FLNB: variants seen among roughly 807,000 people sequenced by gnomAD.
FLNB encodes the protein filamin-B.
A neutral mutation model predicts 250.6 loss-of-function variants in FLNB; 111 were observed. The ratio of observed to expected loss-of-function variants is 0.44; its 90% CI spans 0.38 to 0.52. The LOEUF (loss-of-function observed/expected upper bound fraction) is 0.52. Among genes scored for constraint, FLNB ranks in the 20% least tolerant of loss-of-function variants. FLNB has a pLI of 0.00. For synonymous variants in FLNB, 1,302 were observed against 1,372.1 expected (o/e 0.95, Z 1.13); for missense variants, 2,869 against 3,447.8 (o/e 0.83, Z 4.20).
At chr3:58,116,196 G>A (rs1026101550) in intron 18 of FLNB, among the ~76,000 whole-genome samples, 3 of 152,152 alleles carry the variant, frequency 2.0e-5, no homozygotes, top group Admixed American at 2.0e-4. Flanking sequence ...GCTCAAGACT[G>A]GGCTAAGGAA....
intron 36 of FLNB, 86 bp from the exon 37 acceptor site, chr3:58,149,764 A>C: frequency 6.5e-7 from 1 of 1,540,080 alleles, no homozygotes; most frequent in Non-Finnish European, 9.0e-7. Flanking sequence ...ATTGAGGCGT[A>C]AGGGTCGGAT....
intron 1 of FLNB, among the ~76,000 whole-genome samples, chr3:58,059,734 C>T (rs1396126092): frequency 6.6e-6 from 1 of 152,178 alleles, no homozygotes; most frequent in African/African-American, 2.4e-5. Context: ...CTGCCACGAC[C>T]GTTTATCACG....
intron 1 of FLNB, among the ~76,000 whole-genome samples, chr3:58,037,111 C>G (rs969905143): frequency 8.9e-5 from 12 of 134,108 alleles, no homozygotes; most frequent in Non-Finnish European, 1.4e-4. Flanking sequence ...ATCACCCTGG[C>G]TGGAGTGCAG....
chr3:58,052,633 G>A (rs1301283575), intron 1 of FLNB, among the ~76,000 whole-genome samples: 3 of 152,216 alleles, frequency 2.0e-5, no homozygotes, highest in Admixed American at 6.5e-5. Flanking sequence ...TGACATCGGT[G>A]TGGATGGCAG....
intron 1 of FLNB, among the ~76,000 whole-genome samples, chr3:58,017,864 G>A (rs922050174): frequency 2.6e-5 from 4 of 152,094 alleles, no homozygotes; most frequent in African/African-American, 9.7e-5. Context: ...TTTTCACTTA[G>A]GCAAGACTGC....
In FLNB at chr3:58,150,193, C is replaced by T. The variant is rs532229449; in HGVS notation, c.6333C>T (p.Val2111=). 17 of 1,614,060 alleles carry T rather than the reference C, an allele frequency of 1.1e-5. 1 individual carries two copies. Among genetic ancestry groups the T allele is most frequent in the East Asian group, 2.2e-5 (1 of 44,896 alleles). ...RTSRAPSVAT[V]GSICDLNLKI... is the part of the protein sequence containing the mutation. ...GTCGGGCCCCGTCCGTGGCCACTGT[C>T]GGGAGCATTTGTGACCTGAACCTGA... The change falls in exon 38 of 46, where the codon GTC becomes GTT. Residue 2111 remains valine (V), a synonymous_variant. Coordinates refer to ENST00000295956, the MANE Select transcript of FLNB (RefSeq NM_001457.4).
intron 36 of FLNB, 89 bp from the exon 37 acceptor site, chr3:58,149,758 AGGC>A: frequency 6.7e-7 from 1 of 1,491,754 alleles, no homozygotes; most frequent in Non-Finnish European, 9.3e-7. Context: ...AAATAGATTG[AGGC>A]GTAAGGGTCG....
intron 23 of FLNB, 42 bp downstream of exon 23, chr3:58,125,785 G>C: frequency 6.3e-7 from 1 of 1,593,780 alleles, no homozygotes; most frequent in Non-Finnish European, 8.6e-7. Context: ...TCTCACTTTT[G>C]TGGCTAGATT....
Position 58,146,721 on chromosome 3 carries a change from C to G in FLNB, c.5555-99C>G, listed in dbSNP as rs1296535531. Reference sequence around the variant, plus strand: ...ACGTGGAGTGCGTCAATCCATTGTCCCCAGCATCAGGGCTGCCCTGGATGA... The same window carrying G: ...ACGTGGAGTGCGTCAATCCATTGTCGCCAGCATCAGGGCTGCCCTGGATGA... On this transcript the variant is annotated intron_variant, in intron 33 of 45. Transcript: ENST00000295956. 1.6e-5 allele frequency: 21 copies of G among 1,275,108 alleles called. No homozygotes were observed. In the Admixed American group the frequency reaches 3.8e-4, roughly 23 times the overall value. The allele number at this position is 1,275,108 out of a possible 1,614,324, so 79.0% of individuals were successfully genotyped here. A position where few individuals can be genotyped will look rare whatever the true frequency, so the allele number is the denominator to read the frequency against.
rs2686632 is a variant in FLNB at position 58,111,669 on chromosome 3, T to C, written c.2485-122T>C. The C allele has an allele frequency of 0.068, 50,037 of 738,064 alleles. 1,962 individuals carry two copies. The highest frequency in any genetic ancestry group is 0.078 in the Non-Finnish European group (31,610 of 406,876). 45.7% of individuals were successfully genotyped at this position (738,064 alleles called of 1,614,324 possible). A position where few individuals can be genotyped will look rare whatever the true frequency, so the allele number is the denominator to read the frequency against. ...TTACCCTTCTGTTTACCTGTGGTAA[T>C]AGAAGTCTGCTCACCACTCGCTAAG... is the stretch of plus-strand genomic sequence containing the variant. On this transcript the variant is annotated intron_variant, in intron 16 of 45. Transcript: ENST00000295956.
At chr3:58,153,891 C>T (rs755358065) in intron 39 of FLNB, among the ~76,000 whole-genome samples, 3 of 152,266 alleles carry the variant, frequency 2.0e-5, no homozygotes, top group Middle Eastern at 3.4e-3. Flanking sequence ...TAGTGTGCAC[C>T]TGAGTCTCTA....
intron 19 of FLNB, 109 bp from the exon 20 acceptor site, chr3:58,121,132 G>T (rs1023459724): frequency 7.2e-7 from 1 of 1,392,156 alleles, no homozygotes. Flanking sequence ...GCTTACAGTG[G>T]AGGCTGAGAT....
intron 1 of FLNB, among the ~76,000 whole-genome samples, chr3:58,060,612 C>T (rs1280651373): frequency 1.3e-5 from 2 of 151,140 alleles, no homozygotes; most frequent in African/African-American, 4.9e-5. Context: ...CTTGGCCTCC[C>T]AAAGTGCTAG....
intron 9 of FLNB, among the ~76,000 whole-genome samples, chr3:58,103,696 C>G (rs909082550): frequency 6.6e-6 from 1 of 152,146 alleles, no homozygotes; most frequent in Non-Finnish European, 1.5e-5. Flanking sequence ...CAGGGCCCCT[C>G]GTAGCCAAGC....
At chr3:58,065,727 AG>A (rs1559668662) in intron 1 of FLNB, among the ~76,000 whole-genome samples, 1 of 152,120 alleles carries the variant, frequency 6.6e-6, no homozygotes, top group Non-Finnish European at 1.5e-5. Flanking sequence ...CTTTTCCTCG[AG>A]GGATTCCCTG....
intron 7 of FLNB, among the ~76,000 whole-genome samples, 179 bp from the exon 8 acceptor site, chr3:58,098,532 C>T (rs2097243130): frequency 6.6e-6 from 1 of 152,070 alleles, no homozygotes; most frequent in Admixed American, 6.6e-5. Context: ...CGGATTTCAC[C>T]ATGTTGGCCA....
At chr3:58,165,853 T>C (rs1482846270) in intron 43 of FLNB, 1 of 152,110 alleles carries the variant, frequency 6.6e-6, no homozygotes, top group Non-Finnish European at 1.5e-5. Context: ...TGCATTAAAC[T>C]CACAGGAACT....
At chr3:58,170,459 C>T in intron 45 of FLNB, 116 bp from the exon 46 acceptor site, 1 of 1,004,628 alleles carries the variant, frequency 1.0e-6, no homozygotes, top group Non-Finnish European at 1.5e-6. Flanking sequence ...GCTCTCCCAC[C>T]TCTTAGGGGC....
intron 28 of FLNB, 41 bp from the exon 29 acceptor site, chr3:58,138,241 G>A (rs748050834): frequency 1.8e-5 from 29 of 1,612,256 alleles, no homozygotes; most frequent in Non-Finnish European, 2.4e-5. Context: ...TCCAGGATGT[G>A]TGTCCATACT....
Sources: allele counts gnomAD v4.1 joint callset (sites outside exome capture counted in the v4.1 genomes callset), GRCh38; gene constraint gnomAD v4.1.1; transcripts MANE v1.5; gene names NCBI Gene and HGNC (gene_info 2026-07-23, HGNC 2026-07-21).